Variants in PDCD1LG2 observed in about 807,000 individuals in gnomAD.
PDCD1LG2 encodes the protein B7 dendritic cell molecule.
A neutral mutation model predicts 28.2 loss-of-function variants in PDCD1LG2; 32 were observed. The observed-to-expected ratio is 1.13, with a 90% CI of 0.86 to 1.52. PDCD1LG2 has a LOEUF of 1.52. Among genes scored for constraint, PDCD1LG2 ranks in the 40% most tolerant of loss-of-function variants. The pLI, the probability that PDCD1LG2 is intolerant of heterozygous loss-of-function variation, is 0.00. For synonymous variants in PDCD1LG2, 116 were observed against 120.2 expected, an observed-to-expected ratio of 0.97 and a Z score of 0.23; for missense variants, 385 against 323.8, an observed-to-expected ratio of 1.19 and a Z score of -1.45.
intron 1 of PDCD1LG2, among the ~76,000 whole-genome samples, chr9:5,522,104 T>C (rs1046199666): frequency 6.6e-6 from 1 of 152,158 alleles, no homozygotes; most frequent in African/African-American, 2.4e-5. Context: ...TTCTATGGAG[T>C]CTTATTTTCA....
chr9:5,537,052 T>C (rs1820593856), intron 3 of PDCD1LG2, among the ~76,000 whole-genome samples: 1 of 152,210 alleles, frequency 6.6e-6, no homozygotes, highest in Admixed American at 6.5e-5. Context: ...AAAAACCCTT[T>C]TGCAAATAAT....
chr9:5,566,807 G>A (rs142042184), intron 6 of PDCD1LG2, among the ~76,000 whole-genome samples: 253 of 151,764 alleles, frequency 1.7e-3, no homozygotes, highest in African/African-American at 5.5e-3. Context: ...AATAATGTGG[G>A]GAAATACTTT....
chr9:5,527,728 C>CTT (rs1820405806), intron 2 of PDCD1LG2, among the ~76,000 whole-genome samples: 1 of 152,098 alleles, frequency 6.6e-6, no homozygotes, highest in South Asian at 2.1e-4. Flanking sequence ...TGAGAAACTG[C>CTT]CAAACCTTTC....
chr9:5,530,487 A>AAAC (rs1554644575), intron 2 of PDCD1LG2, among the ~76,000 whole-genome samples: 215 of 151,870 alleles, frequency 1.4e-3, no homozygotes, highest in African/African-American at 5.1e-3. Context: ...AAAAAAAAAA[A>AAAC]AACTCACTCA....
chr9:5,533,750 C>T (rs1191603333), intron 2 of PDCD1LG2, among the ~76,000 whole-genome samples: 1 of 151,856 alleles, frequency 6.6e-6, no homozygotes, highest in Non-Finnish European at 1.5e-5. Context: ...ATTTTGTAGT[C>T]AAACATCTGA....
At chr9:5,546,296 C>G (rs1465312204) in intron 3 of PDCD1LG2, among the ~76,000 whole-genome samples, 1 of 152,138 alleles carries the variant, frequency 6.6e-6, no homozygotes, top group East Asian at 1.9e-4. Context: ...GGACCCTCAC[C>G]CACAGTACTC....
intron 1 of PDCD1LG2, among the ~76,000 whole-genome samples, chr9:5,513,402 A>G (rs1372101940): frequency 1.3e-5 from 2 of 152,182 alleles, no homozygotes; most frequent in Non-Finnish European, 2.9e-5. Flanking sequence ...GGCTTTTGCA[A>G]TTTTATCACT....
rs1277406257 is a variant in PDCD1LG2 at position 5,535,021 on chromosome 9, A to G, written c.332A>G (p.Asp111Gly). The change falls in exon 3 of 7, where the codon GAC becomes GGC. Residue 111 changes from aspartate to glycine, a missense_variant. Physicochemically the swap from Asp to Gly is moderately conservative, Grantham distance 94. Transcript: ENST00000397747. ...ATAATCATCTATGGGGTCGCCTGGG[A>G]CTACAAGTACCTGACTCTGAAAGTC... ...QCIIIYGVAW[D>G]YKYLTLKVKA... The G allele has an allele frequency of 1.2e-6, 2 of 1,612,118 alleles. No homozygotes were observed. Among genetic ancestry groups the G allele is most frequent in the East Asian group, 2.2e-5 (1 of 44,854 alleles).
At chr9:5,535,198 C>A in intron 3 of PDCD1LG2, 148 bp downstream of exon 3, 1 of 754,752 alleles carries the variant, frequency 1.3e-6, no homozygotes, top group Non-Finnish European at 2.1e-6. Flanking sequence ...AAAGCATCTG[C>A]TCGGAAATAA....
intron 2 of PDCD1LG2, 91 bp downstream of exon 2, chr9:5,522,692 A>C: frequency 8.7e-7 from 1 of 1,150,362 alleles, no homozygotes; most frequent in Non-Finnish European, 1.3e-6. Context: ...CCTCAGGCTG[A>C]GGGCTTTCTT....
chr9:5,529,634 AC>A (rs1820443692), intron 2 of PDCD1LG2, among the ~76,000 whole-genome samples: 2 of 151,968 alleles, frequency 1.3e-5, no homozygotes, highest in Non-Finnish European at 2.9e-5. Flanking sequence ...GGAAAGAGCC[AC>A]CCCAGTCTTT....
intron 5 of PDCD1LG2, among the ~76,000 whole-genome samples, chr9:5,560,029 A>C (rs963451098): frequency 6.6e-6 from 1 of 152,206 alleles, no homozygotes. Context: ...AGCTAAGCTT[A>C]TACTTCATCA....
chr9:5,557,800 C>G (rs1475394906), intron 5 of PDCD1LG2, 48 bp downstream of exon 5: 1 of 1,604,610 alleles, frequency 6.2e-7, no homozygotes, highest in Non-Finnish European at 8.5e-7. Flanking sequence ...GTGTCTGCAG[C>G]ATGAGCCACT....
At chr9:5,560,514 C>T (rs1451282913) in intron 5 of PDCD1LG2, among the ~76,000 whole-genome samples, 8 of 152,214 alleles carry the variant, frequency 5.3e-5, no homozygotes, top group Admixed American at 5.2e-4. Context: ...GGTTCCCCAA[C>T]ACATGCTCTG....
intron 4 of PDCD1LG2, 38 bp from the exon 5 acceptor site, chr9:5,557,580 G>A (rs777528755): frequency 1.9e-6 from 3 of 1,612,054 alleles, no homozygotes; most frequent in East Asian, 4.5e-5. Context: ...CCTCTTAGTT[G>A]CCATGTAACA....
At chr9:5,557,897 AT>A in intron 5 of PDCD1LG2, 145 bp downstream of exon 5, 2 of 1,027,680 alleles carry the variant, frequency 1.9e-6, no homozygotes, top group South Asian at 1.6e-5. Context: ...CTTGATGATT[AT>A]TTTTCCCCAG....
intron 6 of PDCD1LG2, among the ~76,000 whole-genome samples, chr9:5,566,068 C>A (rs1457811077): frequency 6.6e-6 from 1 of 152,158 alleles, no homozygotes; most frequent in Non-Finnish European, 1.5e-5. Flanking sequence ...AGTTCTATCT[C>A]ATCCCAAAAC....
intron 1 of PDCD1LG2, 54 bp from the exon 2 acceptor site, chr9:5,522,479 C>G: frequency 2.8e-6 from 4 of 1,417,976 alleles, no homozygotes. Context: ...AACAAAGAAC[C>G]AAAGACCCAG....
chr9:5,525,794 A>G (rs1222299316), intron 2 of PDCD1LG2, among the ~76,000 whole-genome samples: 1 of 152,156 alleles, frequency 6.6e-6, no homozygotes, highest in Non-Finnish European at 1.5e-5. Flanking sequence ...CACGCCTGTA[A>G]TCCCAGCACT....
Sources: gnomAD v4.1 joint callset for allele counts (sites outside exome capture counted in the v4.1 genomes callset) on GRCh38, gnomAD v4.1.1 for gene constraint, MANE v1.5 for transcripts, NCBI Gene and HGNC (gene_info 2026-07-23, HGNC 2026-07-21) for gene names.